PARD3: variants seen among roughly 807,000 people sequenced by gnomAD.
The protein encoded by PARD3 is partitioning defective 3 homolog.
Under a neutral mutation model 155.4 loss-of-function variants are expected in PARD3, and 75 were observed. The ratio of observed to expected loss-of-function variants is 0.48; its 90% CI spans 0.40 to 0.58. The LOEUF is 0.58. PARD3 is among the 20% of genes least tolerant of loss of function. The pLI is 0.00. For synonymous variants in PARD3, 576 were observed against 610.5 expected (o/e 0.94, Z 0.83); for missense variants, 1,642 against 1,721.7 (o/e 0.95, Z 0.82).
intron 1 of PARD3, among the ~76,000 whole-genome samples, chr10:34,784,680 G>A (rs751709399): frequency 9.9e-5 from 15 of 152,168 alleles, no homozygotes; most frequent in East Asian, 5.8e-4. Flanking sequence ...CAAGCGATCC[G>A]CCCGCCTCAG....
At position 34,674,991 on chromosome 10, in the gene PARD3, T is replaced by C. The variant is rs192395365; in HGVS notation, c.222+21327A>G. Among the ~76,000 whole-genome samples, 452 of 152,306 alleles carry C rather than the reference T, an allele frequency of 3.0e-3. 1 individual carries two copies. Among genetic ancestry groups the C allele is most frequent in the African/African-American group, 0.01 (431 of 41,574 alleles). ...GTAATAGATATTATAAATCTCTAGA[T>C]TGCTTAAATATAAAATCCACCCAAT... On this transcript the variant is annotated intron_variant, in intron 2 of 24. Transcript: ENST00000374788.
intron 4 of PARD3, 133 bp from the exon 5 acceptor site, chr10:34,450,581 A>G (rs1263202079): frequency 3.7e-6 from 3 of 821,866 alleles, no homozygotes; most frequent in Non-Finnish European, 5.5e-6. Context: ...TATACAAAAT[A>G]GCTGATTGAG....
At chr10:34,772,792 TAA>T (rs555582256) in intron 1 of PARD3, among the ~76,000 whole-genome samples, 27,369 of 89,118 alleles carry the variant, frequency 0.31, 2,863 homozygotes, top group East Asian at 0.52. Flanking sequence ...AGACTCCATC[TAA>T]AAAAAAAAAA....
At chr10:34,210,295 A>C (rs1034358964) in intron 22 of PARD3, among the ~76,000 whole-genome samples, 1 of 152,130 alleles carries the variant, frequency 6.6e-6, no homozygotes, top group African/African-American at 2.4e-5. Flanking sequence ...GGAATATTTG[A>C]GTTTTCTTTT....
At chr10:34,723,373 G>A (rs902506024) in intron 1 of PARD3, among the ~76,000 whole-genome samples, 11 of 152,128 alleles carry the variant, frequency 7.2e-5, no homozygotes, top group Non-Finnish European at 1.3e-4. Flanking sequence ...AAAATCATAC[G>A]AGAAAAAGGC....
intron 1 of PARD3, among the ~76,000 whole-genome samples, chr10:34,765,722 A>G (rs1359367626): frequency 6.6e-6 from 1 of 152,070 alleles, no homozygotes; most frequent in African/African-American, 2.4e-5. Flanking sequence ...TAAAAACAGG[A>G]GCAGTGATAT....
chr10:34,345,547 A>G, intron 15 of PARD3: 1 of 985,352 alleles, frequency 1.0e-6, no homozygotes, highest in Non-Finnish European at 1.2e-6. Flanking sequence ...TTAACCAAAC[A>G]GTCTGAGGAA....
chr10:34,762,259 G>GGGGAGAGA (rs1554827742), intron 1 of PARD3, among the ~76,000 whole-genome samples: 3 of 149,320 alleles, frequency 2.0e-5, no homozygotes, highest in Non-Finnish European at 3.0e-5. Flanking sequence ...GGAGGGAGAG[G>GGGGAGAGA]GAGAGAGAGA....
At chr10:34,544,224 G>A (rs2133911587) in intron 2 of PARD3, among the ~76,000 whole-genome samples, 1 of 152,232 alleles carries the variant, frequency 6.6e-6, no homozygotes, top group South Asian at 2.1e-4. Flanking sequence ...AGAAACATAA[G>A]TAGTGTCCAC....
At chr10:34,745,510 C>T (rs969108705) in intron 1 of PARD3, among the ~76,000 whole-genome samples, 3 of 151,880 alleles carry the variant, frequency 2.0e-5, no homozygotes, top group South Asian at 2.1e-4. Context: ...TGAATACACA[C>T]GCTCTGGGGT....
Position 34,632,936 on chromosome 10 carries a change from G to A in PARD3, c.222+63382C>T, listed in dbSNP as rs988489700. Among the ~76,000 whole-genome samples, 50 of 152,232 alleles carry A rather than the reference G, an allele frequency of 3.3e-4. 1 individual carries two copies. Among genetic ancestry groups the A allele is most frequent in the Non-Finnish European group, 1.5e-5 (1 of 68,042 alleles). ...GGCTCGGGGAGGAACCGAGGAGGCT[G>A]CGCAGAGGCTAAGAAGGGAGGCCAA... On this transcript the variant is annotated intron_variant, in intron 2 of 24. Coordinates refer to ENST00000374788, the MANE Select transcript of PARD3 (RefSeq NM_001184785.2).
chr10:34,138,429 A>C (rs1431871984), intron 22 of PARD3, among the ~76,000 whole-genome samples: 1 of 152,196 alleles, frequency 6.6e-6, no homozygotes, highest in African/African-American at 2.4e-5. Context: ...TCTGAAAGTC[A>C]GCCTCCTGAG....
At chr10:34,766,884 A>G (rs1752222938) in intron 1 of PARD3, among the ~76,000 whole-genome samples, 2 of 152,190 alleles carry the variant, frequency 1.3e-5, no homozygotes, top group African/African-American at 4.8e-5. Context: ...ATGTTAGGAA[A>G]GGTTTTGTGG....
At chr10:34,509,568 G>A (rs1049566308) in intron 3 of PARD3, among the ~76,000 whole-genome samples, 1 of 151,958 alleles carries the variant, frequency 6.6e-6, no homozygotes, top group African/African-American at 2.4e-5. Context: ...GATACTCTTA[G>A]GAACCATGAA....
intron 1 of PARD3, among the ~76,000 whole-genome samples, chr10:34,801,726 C>T (rs558246328): frequency 1.3e-5 from 2 of 152,278 alleles, no homozygotes; most frequent in South Asian, 4.1e-4. Context: ...TCCTTTGTTG[C>T]TGATTTAGCT....
intron 2 of PARD3, among the ~76,000 whole-genome samples, chr10:34,538,102 G>A (rs1375008450): frequency 3.3e-5 from 5 of 152,112 alleles, no homozygotes; most frequent in East Asian, 1.9e-4. Flanking sequence ...GCCGAGATCC[G>A]CCACTGCACT....
At chr10:34,520,318 C>A (rs1485380035) in intron 2 of PARD3, among the ~76,000 whole-genome samples, 1 of 151,994 alleles carries the variant, frequency 6.6e-6, no homozygotes, top group Non-Finnish European at 1.5e-5. Context: ...AGAACCAGTA[C>A]CAGGGTTCAT....
intron 19 of PARD3, among the ~76,000 whole-genome samples, chr10:34,318,660 A>G (rs982229835): frequency 2.0e-5 from 3 of 152,250 alleles, no homozygotes; most frequent in African/African-American, 7.2e-5. Flanking sequence ...ATCTGAAAAG[A>G]GACTATCAAA....
chr10:34,616,815 G>C (rs2132670676), intron 2 of PARD3, among the ~76,000 whole-genome samples: 1 of 151,354 alleles, frequency 6.6e-6, no homozygotes, highest in Non-Finnish European at 1.5e-5. Flanking sequence ...TGGGTCTATG[G>C]TCTCAGCTAC....
Sources: gnomAD v4.1 joint callset for allele counts (sites outside exome capture counted in the v4.1 genomes callset) on GRCh38, gnomAD v4.1.1 for gene constraint, MANE v1.5 for transcripts, NCBI Gene and HGNC (gene_info 2026-07-23, HGNC 2026-07-21) for gene names.